UPF1: variants seen among roughly 807,000 people sequenced by gnomAD.
UPF1 encodes UPF1 RNA helicase and ATPase.
Under a neutral mutation model 129.2 loss-of-function variants are expected in UPF1, and 9 were observed. That is an observed-to-expected ratio of 0.07 (90% CI 0.04 to 0.12). The LOEUF (loss-of-function observed/expected upper bound fraction) is 0.12. Ranked by LOEUF, UPF1 falls within the 10% of genes least tolerant of loss-of-function variation. UPF1 has a pLI of 1.00. For missense variants in UPF1, 788 were observed against 1,525.3 expected, an observed-to-expected ratio of 0.52 and a Z score of 8.05; for synonymous variants, 649 against 644.9, an observed-to-expected ratio of 1.01 and a Z score of -0.10.
intron 11 of UPF1, chr19:18,855,537 G>T: frequency 1.9e-6 from 1 of 537,814 alleles, no homozygotes; most frequent in Non-Finnish European, 3.3e-6. Flanking sequence ...GATGGTGCAA[G>T]TTCCAGCCTT....
At chr19:18,833,965 T>G (rs2041055987) in intron 1 of UPF1, among the ~76,000 whole-genome samples, 1 of 152,112 alleles carries the variant, frequency 6.6e-6, no homozygotes, top group Non-Finnish European at 1.5e-5. Flanking sequence ...GGAGAACAGG[T>G]GTGCACGTAT....
At chr19:18,846,312 T>C (rs953396313) in intron 2 of UPF1, among the ~76,000 whole-genome samples, 193 bp downstream of exon 2, 1 of 152,106 alleles carries the variant, frequency 6.6e-6, no homozygotes, top group African/African-American at 2.4e-5. Context: ...GGAGGTGGGC[T>C]CAGCAACCTC....
intron 3 of UPF1, 130 bp downstream of exon 3, chr19:18,847,963 G>A: frequency 1.1e-6 from 1 of 884,098 alleles, no homozygotes; most frequent in Non-Finnish European, 1.8e-6. Context: ...CCTCCTCTGT[G>A]ACTGGTTTAA....
At chr19:18,846,352 A>G (rs2055599020) in intron 2 of UPF1, among the ~76,000 whole-genome samples, 1 of 152,056 alleles carries the variant, frequency 6.6e-6, no homozygotes, top group Non-Finnish European at 1.5e-5. Flanking sequence ...GCTGGTGGGA[A>G]AAGTTTTCCT....
In UPF1 at chr19:18,860,058, C is replaced by T. The variant is rs2055760852; in HGVS notation, c.2183-263C>T. On this transcript the variant is annotated intron_variant, in intron 15 of 23. Transcript: ENST00000262803. The stretch of plus-strand genomic sequence containing the variant: ...GATCCAGGCTGCAAGAAAGCCCTGG[C>T]TGAGACCCTGTTCCCTGTTCAGGGG... The T allele has an allele frequency of 6.8e-6, 3 of 441,844 alleles. No individual in the cohort carries two copies. In the East Asian group the frequency reaches 1.2e-4, roughly 18 times the overall value. 27.4% of individuals were successfully genotyped at this position (441,844 alleles called of 1,614,324 possible). A position where few individuals can be genotyped will look rare whatever the true frequency, so the allele number is the denominator to read the frequency against.
chr19:18,867,350 G>A lies in UPF1; in HGVS notation c.*833G>A, dbSNP rs1465363926. On this transcript the variant is annotated 3_prime_UTR_variant, in exon 24 of 24. Coordinates refer to ENST00000262803, the MANE Select transcript of UPF1 (RefSeq NM_002911.4). ...GTTCTCCGCTGGACTCAGAAGCCAA[G>A]CTGCTTCCCGCCTAGACTCGGCGCA... The A allele has an allele frequency of 6.6e-6, 1 of 152,306 alleles. No homozygotes were observed. The highest frequency in any genetic ancestry group is 6.5e-5 in the Admixed American group (1 of 15,294). 9.4% of individuals were successfully genotyped at this position (152,306 alleles called of 1,614,324 possible). A position where few individuals can be genotyped will look rare whatever the true frequency, so the allele number is the denominator to read the frequency against.
intron 1 of UPF1, among the ~76,000 whole-genome samples, chr19:18,841,397 T>A (rs1192106308): frequency 6.6e-6 from 1 of 152,232 alleles, no homozygotes; most frequent in African/African-American, 2.4e-5. Context: ...AGGGCGCCTG[T>A]CCTGAATAGC....
chr19:18,854,630 C>T lies in UPF1; in HGVS notation c.1186C>T (p.Arg396Trp), dbSNP rs1470724230. ...NYGDEIAIEL[R>W]SSVGAPVEVT... ...TGGCGATGAGATCGCCATTGAGCTG[C>T]GGAGCAGCGTGGGTGCACCTGTGGA... The change falls in exon 9 of 24, where the codon CGG (arginine) becomes TGG (tryptophan). Residue 396 changes from arginine (R) to tryptophan (W), a missense_variant. By Grantham distance (101) the Arg-to-Trp change is moderately radical. Around this residue, in one of 6 missense-constraint regions of UPF1, gnomAD observed 227 missense variants for 517.9 expected, o/e 0.44. Transcript: ENST00000262803. 6.2e-7 allele frequency: 1 copy of T among 1,613,852 alleles called. No individual in the cohort carries two copies. The highest frequency in any genetic ancestry group is 8.5e-7 in the Non-Finnish European group (1 of 1,179,858).
chr19:18,855,667 T>G, intron 11 of UPF1: 1 of 544,172 alleles, frequency 1.8e-6, no homozygotes, highest in East Asian at 3.3e-5. Context: ...CTGAACAGGG[T>G]GAGACGTCTC....
At position 18,854,659 on chromosome 19, in the gene UPF1, G is replaced by A. The variant is rs780981707; in HGVS notation, c.1215G>A (p.Val405=). The A allele has an allele frequency of 1.2e-6, 2 of 1,614,120 alleles. No individual in the cohort carries two copies. Among genetic ancestry groups the A allele is most frequent in the Non-Finnish European group, 1.7e-6 (2 of 1,180,026 alleles). Residue 405 remains valine (V), a synonymous_variant, in exon 9 of 24, where the codon GTG becomes GTA. Transcript: ENST00000262803. ...LRSSVGAPVE[V]THNFQVDFVW... ...GCAGCGTGGGTGCACCTGTGGAGGT[G>A]ACTCACAACTTCCAGGTGGATTTTG... is the stretch of plus-strand genomic sequence containing the variant.
rs1361149765 is a variant in UPF1 at position 18,854,899 on chromosome 19, C to T, written c.1286C>T (p.Thr429Met). 2.5e-6 allele frequency: 4 copies of T among 1,614,214 alleles called. No homozygotes were observed. Among genetic ancestry groups the T allele is most frequent in the Non-Finnish European group, 2.5e-6 (3 of 1,180,036 alleles). Reference sequence around the variant, plus strand: ...CACAGGATGCAGAGCGCATTGAAAACGTTTGCCGTGGATGAGACCTCGGTG... The same window carrying T: ...CACAGGATGCAGAGCGCATTGAAAATGTTTGCCGTGGATGAGACCTCGGTG... ...SFDRMQSALK[T>M]FAVDETSVSG... Residue 429 changes from threonine to methionine, a missense_variant, in exon 10 of 24, where the codon ACG (threonine) becomes ATG (methionine). Thr to Met is a moderately conservative substitution (Grantham distance 81). Coordinates refer to ENST00000262803, the MANE Select transcript of UPF1 (RefSeq NM_002911.4).
At chr19:18,862,992 A>ATTGG (rs2055797884) in intron 18 of UPF1, 1 of 160,194 alleles carries the variant, frequency 6.2e-6, no homozygotes, top group Non-Finnish European at 1.4e-5. Flanking sequence ...TGGCTTTGTC[A>ATTGG]TTGGTTACTC....
Position 18,839,855 on chromosome 19 carries a change from C to A in UPF1, c.232-6125C>A, listed in dbSNP as rs575461598. Among the ~76,000 whole-genome samples the A allele has an allele frequency of 7.2e-5, 11 of 152,302 alleles. No homozygotes were observed. The East Asian group carries it at 2.1e-3, about 29-fold the overall frequency. On this transcript the variant is annotated intron_variant, in intron 1 of 23. Transcript: ENST00000262803. ...CAGCACATGCCGCCTGGCCAGGGTG[C>A]TGTGAGGGCCCCAGGAGTAGGAGTG... is the stretch of plus-strand genomic sequence containing the variant.
chr19:18,855,289 G>A (rs1185076592), intron 11 of UPF1, 47 bp downstream of exon 11: 1 of 1,589,934 alleles, frequency 6.3e-7, no homozygotes, highest in Non-Finnish European at 8.5e-7. Context: ...AGGGCTTTAG[G>A]GTGGCCAGAT....
Position 18,850,013 on chromosome 19 carries a change from A to T in UPF1, c.462-62A>T. On this transcript the variant is annotated intron_variant, in intron 3 of 23. Transcript: ENST00000262803. This position sits in a 1 kb window ranked among gnomAD's most constrained non-coding sequence, Gnocchi z 7.1. ...ACCGGAACTTTTAACAGGGGCCCGA[A>T]AATTGGAAGTGGTGAAAAGCCAAAT... 6.2e-7 allele frequency: 1 copy of T among 1,606,276 alleles called. No homozygotes were observed. The highest frequency in any genetic ancestry group is 8.5e-7 in the Non-Finnish European group (1 of 1,174,714).
Position 18,852,117 on chromosome 19 carries a change from G to A in UPF1, c.811-18G>A, listed in dbSNP as rs746457344. On this transcript the variant is annotated intron_variant, in intron 5 of 23. Transcript: ENST00000262803. ...GGGAAAAACAGGACGAGTGTGGCGC[G>A]GTGTTGTTGTCTTCTAGGAAAACCC... The A allele has an allele frequency of 6.3e-6, 10 of 1,590,822 alleles. No individual in the cohort carries two copies. The highest frequency in any genetic ancestry group is 1.8e-4 in the Middle Eastern group (1 of 5,604).
Position 18,832,743 on chromosome 19 carries a change from G to C in UPF1, c.231+303G>C, listed in dbSNP as rs2055441880. On this transcript the variant is annotated intron_variant, in intron 1 of 23. Coordinates refer to ENST00000262803, the MANE Select transcript of UPF1 (RefSeq NM_002911.4). This position sits in a 1 kb window ranked among gnomAD's most constrained non-coding sequence, Gnocchi z 5.6. ...TTGCCTCGAGTCCTCCACTTCGTTC[G>C]GGACCGAGCTAACCTGACCCTGTTC... 6.6e-6 allele frequency among the ~76,000 whole-genome samples: 1 copy of C among 151,800 alleles called. No homozygotes were observed. The highest frequency in any genetic ancestry group is 1.5e-5 in the Non-Finnish European group (1 of 67,914).
chr19:18,862,629 T>A (rs2005695), intron 18 of UPF1, among the ~76,000 whole-genome samples: 136,026 of 152,078 alleles, frequency 0.89, 60,925 homozygotes, highest in African/African-American at 0.92. Flanking sequence ...TGAGGTCAGG[T>A]GTTCTCGACC....
At position 18,846,892 on chromosome 19, in the gene UPF1, G is replaced by T. The variant is rs555475703; in HGVS notation, c.371+773G>T. ...GTAGTCCCAGCTAGCTACTTGGGAG[G>T]CTGAGGCAGGAGAATGACATGAACC... On this transcript the variant is annotated intron_variant, in intron 2 of 23. Coordinates refer to ENST00000262803, the MANE Select transcript of UPF1 (RefSeq NM_002911.4). 3.4e-4 allele frequency among the ~76,000 whole-genome samples: 52 copies of T among 152,340 alleles called. 1 individual carries two copies. The highest frequency in any genetic ancestry group is 1.4e-3 in the Admixed American group (22 of 15,296).
Sources: allele counts gnomAD v4.1 joint callset (sites outside exome capture counted in the v4.1 genomes callset), GRCh38; gene constraint gnomAD v4.1.1; regional missense constraint gnomAD v4.1.1; non-coding constraint Gnocchi (gnomAD v3.1); transcripts MANE v1.5; gene names NCBI Gene and HGNC (gene_info 2026-07-23, HGNC 2026-07-21).